TET2: variants seen among roughly 807,000 people sequenced by gnomAD.
TET2 encodes methylcytosine dioxygenase TET2.
TET2 carries 299 observed loss-of-function variants against 142.9 expected under a neutral mutation model. The ratio of observed to expected loss-of-function variants is 2.09; its 90% CI spans 1.90 to 2.30. The LOEUF (loss-of-function observed/expected upper bound fraction) is 2.30, where lower values mean the gene tolerates loss of function less well. TET2 is among the 30% of genes most tolerant of loss of function. The pLI, the probability that TET2 is intolerant of heterozygous loss-of-function variation, is 0.00. For missense variants in TET2, 2,418 were observed against 2,378.0 expected, an observed-to-expected ratio of 1.02 and a Z score of -0.35; for synonymous variants, 819 against 849.0, an observed-to-expected ratio of 0.96 and a Z score of 0.61.
intron 1 of TET2, among the ~76,000 whole-genome samples, chr4:105,152,563 C>G (rs183667352): frequency 8.1e-5 from 12 of 148,538 alleles, no homozygotes; most frequent in Non-Finnish European, 1.2e-4. Flanking sequence ...AAAGTATAAT[C>G]TATTTTCTTT....
intron 6 of TET2, among the ~76,000 whole-genome samples, chr4:105,244,128 A>G (rs1198295728): frequency 2.0e-5 from 3 of 152,200 alleles, no homozygotes; most frequent in African/African-American, 2.4e-5. Context: ...CTCCACTTCC[A>G]TGTTGCAGTA....
chr4:105,209,535 C>G (rs907156820), intron 2 of TET2, among the ~76,000 whole-genome samples: 4 of 151,978 alleles, frequency 2.6e-5, no homozygotes, highest in African/African-American at 7.2e-5. Flanking sequence ...CAACAACTTT[C>G]TTTTAACTAA....
intron 1 of TET2, among the ~76,000 whole-genome samples, chr4:105,163,845 G>GAGAGAGAGAA: frequency 7.2e-6 from 1 of 139,274 alleles, no homozygotes. Context: ...GAGAGAGAGA[G>GAGAGAGAGAA]AGAGAGAGAG....
At chr4:105,244,397 T>A (rs1729471301) in intron 6 of TET2, among the ~76,000 whole-genome samples, 1 of 152,188 alleles carries the variant, frequency 6.6e-6, no homozygotes, top group Non-Finnish European at 1.5e-5. Context: ...AGAATAGAAC[T>A]GCAAGAGTAT....
chr4:105,195,556 A>G (rs895039561), intron 2 of TET2, among the ~76,000 whole-genome samples: 5 of 152,180 alleles, frequency 3.3e-5, no homozygotes, highest in African/African-American at 7.2e-5. Context: ...GTATTTGCAC[A>G]TGATTTACAT....
intron 2 of TET2, among the ~76,000 whole-genome samples, chr4:105,230,506 A>G (rs1294483128): frequency 6.6e-6 from 1 of 152,224 alleles, no homozygotes. Context: ...TATAGTATCA[A>G]GCTTACTGAT....
rs1294205640 is a variant in TET2 at position 105,279,311 on chromosome 4, TAAGG to T, written c.*2796_*2799del. ...TTTGGGGGGTTGGGGAGAGTTTACATAAGGAAGAGAAGAAATTGAGTGGCATATT... is the reference window on the plus strand; with the variant it reads ...TTTGGGGGGTTGGGGAGAGTTTACATAAGAGAAGAAATTGAGTGGCATATT... On this transcript the variant is annotated 3_prime_UTR_variant, in exon 11 of 11. Coordinates refer to ENST00000380013, the MANE Select transcript of TET2 (RefSeq NM_001127208.3). The T allele has an allele frequency of 1.7e-5, 4 of 231,912 alleles. No individual in the cohort carries two copies. The highest frequency in any genetic ancestry group is 4.4e-5 in the African/African-American group (2 of 45,280). 14.4% of individuals were successfully genotyped at this position (231,912 alleles called of 1,614,324 possible). A position where few individuals can be genotyped will look rare whatever the true frequency, so the allele number is the denominator to read the frequency against.
chr4:105,223,920 A>G (rs1487385584), intron 2 of TET2, among the ~76,000 whole-genome samples: 1 of 152,132 alleles, frequency 6.6e-6, no homozygotes, highest in African/African-American at 2.4e-5. Context: ...TGAAGTATTT[A>G]CCCTCAGTAA....
chr4:105,272,327 T>C (rs1421233694), intron 9 of TET2, among the ~76,000 whole-genome samples: 1 of 152,198 alleles, frequency 6.6e-6, no homozygotes, highest in Non-Finnish European at 1.5e-5. Context: ...CTGTTCCTGA[T>C]AGACTCAGAG....
intron 2 of TET2, among the ~76,000 whole-genome samples, chr4:105,192,524 C>T (rs1725846273): frequency 6.6e-6 from 1 of 152,140 alleles, no homozygotes; most frequent in Non-Finnish European, 1.5e-5. Flanking sequence ...CATTGCCCAA[C>T]ATATAGTAAG....
intron 2 of TET2, among the ~76,000 whole-genome samples, chr4:105,229,648 T>C (rs1448602324): frequency 6.6e-6 from 1 of 150,626 alleles, no homozygotes; most frequent in Non-Finnish European, 1.5e-5. Context: ...GCTTGGAAGT[T>C]ATTTAAAAAA....
At position 105,272,552 on chromosome 4, in the gene TET2, C is replaced by T. The variant is rs1289674480; in HGVS notation, c.4183-12C>T. 1 of 1,485,590 alleles carries T rather than the reference C, an allele frequency of 6.7e-7. No homozygotes were observed. The highest frequency in any genetic ancestry group is 2.5e-5 in the East Asian group (1 of 40,570). The allele number at this position is 1,485,590 out of a possible 1,614,324, so 92.0% of individuals were successfully genotyped here. ...CTGTAGTTGAGGCTGTAATGTCTTA[C>T]TTCCCTACCAGGTATGCACTCTCAC... On this transcript the variant is annotated splice_polypyrimidine_tract_variant and intron_variant, in intron 9 of 10. Transcript: ENST00000380013.
chr4:105,165,012 T>TA, intron 1 of TET2, among the ~76,000 whole-genome samples: 1 of 152,162 alleles, frequency 6.6e-6, no homozygotes. Flanking sequence ...CTATAGATAT[T>TA]ACTGTTTTTC....
At chr4:105,160,455 TTC>T (rs1723791671) in intron 1 of TET2, among the ~76,000 whole-genome samples, 1 of 152,198 alleles carries the variant, frequency 6.6e-6, no homozygotes. Context: ...AGAATTTGAG[TTC>T]TTTTTGTATT....
At chr4:105,200,133 T>A (rs549201888) in intron 2 of TET2, among the ~76,000 whole-genome samples, 1 of 152,318 alleles carries the variant, frequency 6.6e-6, no homozygotes, top group African/African-American at 2.4e-5. Flanking sequence ...TCTTCCACAA[T>A]GGTTGAACTA....
intron 2 of TET2, among the ~76,000 whole-genome samples, chr4:105,215,011 A>G (rs959755951): frequency 1.3e-5 from 2 of 152,074 alleles, no homozygotes; most frequent in African/African-American, 4.8e-5. Flanking sequence ...CATCTTGGGA[A>G]CTGAGCGTTT....
At chr4:105,229,934 AAATT>A (rs1370772755) in intron 2 of TET2, among the ~76,000 whole-genome samples, 1 of 152,194 alleles carries the variant, frequency 6.6e-6, no homozygotes, top group Non-Finnish European at 1.5e-5. Flanking sequence ...GCTGTACCAT[AAATT>A]ATTTAACATA....
At position 105,233,982 on chromosome 4, in the gene TET2, C is replaced by T. The variant is rs2110219358; in HGVS notation, c.40C>T (p.Leu14=). ...AACCAACCATGTTGAGGGCAACAGA[C>T]TAAGTCCATTCCTGATACCATCACC... ...DRTNHVEGNR[L]SPFLIPSPPI... Residue 14 remains leucine (L), a synonymous_variant, in exon 3 of 11, where the codon CTA becomes TTA. Transcript: ENST00000380013. 6.2e-7 allele frequency: 1 copy of T among 1,614,074 alleles called. No homozygotes were observed. The highest frequency in any genetic ancestry group is 8.5e-7 in the Non-Finnish European group (1 of 1,180,004).
At chr4:105,176,289 A>C (rs1440203599) in intron 1 of TET2, among the ~76,000 whole-genome samples, 2 of 152,178 alleles carry the variant, frequency 1.3e-5, no homozygotes, top group African/African-American at 4.8e-5. Flanking sequence ...AGTGCTACCT[A>C]ATGCAATAAG....
Sources: allele counts gnomAD v4.1 joint callset (sites outside exome capture counted in the v4.1 genomes callset), GRCh38; gene constraint gnomAD v4.1.1; transcripts MANE v1.5; gene names NCBI Gene and HGNC (gene_info 2026-07-23, HGNC 2026-07-21).